ZFYVE26: variants seen among roughly 807,000 people sequenced by gnomAD.
ZFYVE26 encodes the protein zinc finger FYVE domain-containing protein 26.
ZFYVE26 carries 181 observed loss-of-function variants against 276.5 expected under a neutral mutation model. The observed-to-expected ratio is 0.65, with a 90% confidence interval of 0.58 to 0.74. The LOEUF is 0.74. Among genes scored for constraint, ZFYVE26 ranks in the 30% least tolerant of loss-of-function variants. ZFYVE26 has a pLI of 0.00. For missense variants in ZFYVE26, 2,821 were observed against 3,097.9 expected, an observed-to-expected ratio of 0.91 and a Z score of 2.12; for synonymous variants, 1,129 against 1,203.1, an observed-to-expected ratio of 0.94 and a Z score of 1.27.
At chr14:67,774,689 G>A (rs551047805) in intron 27 of ZFYVE26, among the ~76,000 whole-genome samples, 45 of 152,192 alleles carry the variant, frequency 3.0e-4, no homozygotes, top group African/African-American at 9.9e-4. Context: ...GAATAGAATC[G>A]TCTAGGAAGA....
intron 13 of ZFYVE26, among the ~76,000 whole-genome samples, chr14:67,737,375 A>G (rs552910761): frequency 6.6e-6 from 1 of 152,228 alleles, no homozygotes; most frequent in South Asian, 2.1e-4. Flanking sequence ...ACTTACAATC[A>G]TGGTGGAAGG....
chr14:67,794,460 T>C (rs959227548), intron 12 of ZFYVE26, among the ~76,000 whole-genome samples: 2 of 152,226 alleles, frequency 1.3e-5, no homozygotes, highest in East Asian at 1.9e-4. Flanking sequence ...TAATAGCCTA[T>C]ACCAGTGGTT....
In ZFYVE26 at chr14:67,776,009, A is replaced by C; in HGVS notation, c.5072T>G (p.Val1691Gly). 2 of 1,614,116 alleles carry C rather than the reference A, an allele frequency of 1.2e-6. No individual in the cohort carries two copies. The highest frequency in any genetic ancestry group is 2.2e-5 in the South Asian group (2 of 91,076). The change falls in exon 26 of 42, where the codon GTG becomes GGG. Residue 1691 changes from valine to glycine, a missense_variant. By Grantham distance (109) the Val-to-Gly change is moderately radical. Coordinates refer to ENST00000347230, the MANE Select transcript of ZFYVE26 (RefSeq NM_015346.4). Reference sequence around the variant, plus strand: ...CTGCACAGCCACAGTGGCCCAATCCACCTTCATGTTCATAAGCAGCTGCTC... The same window carrying C: ...CTGCACAGCCACAGTGGCCCAATCCCCCTTCATGTTCATAAGCAGCTGCTC... The part of the protein sequence containing the change: ...MLEQLLMNMK[V>G]DWATVAVQTL...
In ZFYVE26 at chr14:67,805,472, C is replaced by A; in HGVS notation, c.1164G>T (p.Gln388His). The A allele has an allele frequency of 6.2e-7, 1 of 1,614,224 alleles. No homozygotes were observed. Among genetic ancestry groups the A allele is most frequent in the South Asian group, 1.1e-5 (1 of 91,086 alleles). The change falls in exon 7 of 42, where the codon CAG becomes CAT. Residue 388 changes from glutamine (Q) to histidine (H), a missense_variant. Physicochemically the swap from Gln to His is conservative, Grantham distance 24. Coordinates refer to ENST00000347230, the MANE Select transcript of ZFYVE26 (RefSeq NM_015346.4). Reference protein sequence around the residue: ...QSLESAKRLLQTLHRTQGPGC... With the variant: ...QSLESAKRLLHTLHRTQGPGC... ...GAGTTACCTGGGTCCTGTGCAGGGT[C>A]TGGAGCAGCCTCTTGGCTGACTCTA...
chr14:67,794,033 T>C, intron 13 of ZFYVE26, 138 bp downstream of exon 13: 2 of 1,003,992 alleles, frequency 2.0e-6, no homozygotes, highest in Non-Finnish European at 3.2e-6. Flanking sequence ...CTTTCCCTTC[T>C]CCCAGCTAAA....
intron 27 of ZFYVE26, 102 bp from the exon 28 acceptor site, chr14:67,772,312 A>C (rs1443131497): frequency 7.6e-7 from 1 of 1,307,596 alleles, no homozygotes; most frequent in African/African-American, 1.5e-5. Flanking sequence ...ACCGTTATTG[A>C]AAGAATAGAT....
rs1410148489 is a variant in ZFYVE26, at chr14:67,729,431, C to A, written n.3068G>T. 1.9e-6 allele frequency: 3 copies of A among 1,547,824 alleles called. No homozygotes were observed. The East Asian group carries it at 6.7e-5, about 35-fold the overall frequency. ...CCACCACCTGTGTGCATGGGAGGTG[C>A]CGGACTCGCTGGGCTGTTCATCCTG... On this transcript the variant is annotated non_coding_transcript_exon_variant, in exon 14 of 15. Coordinates refer to the ZFYVE26 transcript ENST00000394455.
Position 67,762,192 on chromosome 14 carries a change from C to T in ZFYVE26, c.6369+11G>A, listed in dbSNP as rs762513156. 5 of 1,613,986 alleles carry T rather than the reference C, an allele frequency of 3.1e-6. No individual in the cohort carries two copies. The highest frequency in any genetic ancestry group is 2.2e-5 in the South Asian group (2 of 91,090). ...TCCCTGAGCCAGGCACTCTTCCTGC[C>T]TTGCTCTTACCAAGGATACAAAGGG... On this transcript the variant is annotated intron_variant, in intron 34 of 41. Transcript: ENST00000347230.
chr14:67,728,998 A>T (rs1403478469), intron 14 of ZFYVE26, among the ~76,000 whole-genome samples: 2 of 152,180 alleles, frequency 1.3e-5, no homozygotes, highest in Non-Finnish European at 2.9e-5. Flanking sequence ...GAAGGCTGAG[A>T]AGGCTATAGA....
At chr14:67,750,282 A>G (rs796892562) in intron 41 of ZFYVE26, among the ~76,000 whole-genome samples, 4 of 152,238 alleles carry the variant, frequency 2.6e-5, no homozygotes, top group South Asian at 4.1e-4. Context: ...AAAAATGCCC[A>G]TTAAGTTCAG....
rs1483841043 is a variant in ZFYVE26, at chr14:67,747,654, C to G, written c.*782G>C. On this transcript the variant is annotated 3_prime_UTR_variant, in exon 42 of 42. Transcript: ENST00000347230. ...TTGTGAGCACCCGCTCCCCCCACCA[C>G]CCCCCACCGCCTCCCCTGTATCCCT... The G allele has an allele frequency of 6.8e-6, 1 of 146,260 alleles. No individual in the cohort carries two copies. The highest frequency in any genetic ancestry group is 2.5e-5 in the African/African-American group (1 of 39,286). The allele number at this position is 146,260 out of a possible 1,614,324, so 9.1% of individuals were successfully genotyped here.
chr14:67,748,564 T>C lies in ZFYVE26; in HGVS notation c.7492A>G (p.Thr2498Ala). ...IAVKQEHSRA[T>A]ALVQQVQQAA... The stretch of plus-strand genomic sequence containing the variant: ...TGCTGCACCTGCTGGACAAGGGCTG[T>C]GGCCCGTGAGTGTTCTTGCTTCACA... Residue 2498 changes from threonine (T) to alanine (A), a missense_variant, in exon 42 of 42, where the codon ACA becomes GCA. Thr to Ala is a moderately conservative substitution (Grantham distance 58). Transcript: ENST00000347230. The C allele has an allele frequency of 6.2e-7, 1 of 1,614,170 alleles. No homozygotes were observed. Among genetic ancestry groups the C allele is most frequent in the Non-Finnish European group, 8.5e-7 (1 of 1,180,032 alleles).
At chr14:67,766,190 C>T (rs1054458602) in intron 32 of ZFYVE26, 37 bp downstream of exon 32, 42 of 1,601,104 alleles carry the variant, frequency 2.6e-5, no homozygotes, top group Non-Finnish European at 3.5e-5. Context: ...CTAGAAACTG[C>T]TCCTGTGTAA....
At chr14:67,807,377 G>A (rs1452062819) in intron 5 of ZFYVE26, 21 bp downstream of exon 5, 3 of 1,613,722 alleles carry the variant, frequency 1.9e-6, no homozygotes, top group African/African-American at 1.3e-5. Context: ...AACTAAAGGA[G>A]CAGCAGCAAA....
At chr14:67,781,640 T>C in intron 21 of ZFYVE26, 111 bp from the exon 22 acceptor site, 1 of 980,406 alleles carries the variant, frequency 1.0e-6, no homozygotes. Flanking sequence ...AAGAGGAGCT[T>C]GGAGGATCCT....
intron 32 of ZFYVE26, 117 bp from the exon 33 acceptor site, chr14:67,762,936 T>C: frequency 7.0e-7 from 1 of 1,434,384 alleles, no homozygotes; most frequent in African/African-American, 1.4e-5. Context: ...AGAGTCTCGT[T>C]CTGTCACCCA....
downstream of ZFYVE26, among the ~76,000 whole-genome samples, chr14:67,746,104 A>G (rs997458866): frequency 6.6e-6 from 1 of 152,178 alleles, no homozygotes; most frequent in Non-Finnish European, 1.5e-5. Flanking sequence ...ATCATTAGAA[A>G]CTGGTTAAAT....
At chr14:67,757,345 T>G (rs1292512619) in intron 35 of ZFYVE26, among the ~76,000 whole-genome samples, 1 of 152,246 alleles carries the variant, frequency 6.6e-6, no homozygotes, top group Non-Finnish European at 1.5e-5. Context: ...TGATTTGGCC[T>G]GTGACCTTTC....
intron 9 of ZFYVE26, among the ~76,000 whole-genome samples, chr14:67,802,738 C>T (rs1280090182): frequency 2.0e-5 from 3 of 152,032 alleles, no homozygotes; most frequent in East Asian, 1.9e-4. Context: ...GAGCAGAGTT[C>T]GTATTCCTAC....
Sources: allele counts gnomAD v4.1 joint callset (sites outside exome capture counted in the v4.1 genomes callset), GRCh38; gene constraint gnomAD v4.1.1; transcripts MANE v1.5; gene names NCBI Gene and HGNC (gene_info 2026-07-23, HGNC 2026-07-21).